The following ETV3 variants were observed in gnomAD, a reference collection of about 807,000 sequenced individuals.
ETV3 encodes ETS translocation variant 3.
A neutral mutation model predicts 33.0 loss-of-function variants in ETV3; 8 were observed. The observed-to-expected ratio is 0.24, with a 90% confidence interval of 0.14 to 0.44. The LOEUF (loss-of-function observed/expected upper bound fraction) is 0.44. ETV3 is among the 20% of genes least tolerant of loss of function. The pLI is 1.00. For synonymous variants in ETV3, 222 were observed against 238.9 expected, an observed-to-expected ratio of 0.93 and a Z score of 0.65; for missense variants, 473 against 652.3, an observed-to-expected ratio of 0.73 and a Z score of 2.99.
chr1:157,130,754 C>A (rs775621999), intron 4 of ETV3, among the ~76,000 whole-genome samples: 19 of 152,120 alleles, frequency 1.2e-4, no homozygotes, highest in Non-Finnish European at 2.5e-4. Flanking sequence ...TAGAATAGTA[C>A]CAAGCATAGC....
intron 4 of ETV3, among the ~76,000 whole-genome samples, chr1:157,127,568 C>T (rs1388913711): frequency 7.5e-6 from 1 of 133,792 alleles, no homozygotes; most frequent in Non-Finnish European, 1.6e-5. Context: ...TTTTTTGAGA[C>T]AGGGTTTCAC....
At chr1:157,133,326 T>C in intron 4 of ETV3, 1 of 894,748 alleles carries the variant, frequency 1.1e-6, no homozygotes, top group Non-Finnish European at 1.3e-6. Context: ...CTATCTGTGG[T>C]TTGCGAATCT....
intron 4 of ETV3, 134 bp downstream of exon 4, chr1:157,133,978 T>C (rs201311526): frequency 1.0e-5 from 15 of 1,464,958 alleles, no homozygotes; most frequent in Admixed American, 5.3e-5. Flanking sequence ...AGTAAGAACA[T>C]TGAGGCAATC....
chr1:157,124,966 G>A lies in ETV3; in HGVS notation c.1414C>T (p.Pro472Ser). ...CAGCGCCGCTTCAACCGAAGCTTGG[G>A]GGGCATCAGTGCATCTTCTTTCTTC... ...PEKKEDALMP[P>S]KLRLKRRWND... The change falls in exon 5 of 5, where the codon CCC (proline) becomes TCC (serine). Residue 472 changes from proline (P) to serine (S), a missense_variant. Physicochemically the swap from Pro to Ser is moderately conservative, Grantham distance 74. This residue lies in a region of ETV3 where 410 missense variants were observed against 520.2 expected (regional missense o/e 0.79). Coordinates refer to ENST00000368192, the MANE Select transcript of ETV3 (RefSeq NM_001145312.3). The A allele has an allele frequency of 1.3e-6, 2 of 1,551,822 alleles. No homozygotes were observed. Among genetic ancestry groups the A allele is most frequent in the Non-Finnish European group, 1.7e-6 (2 of 1,147,048 alleles).
intron 4 of ETV3, among the ~76,000 whole-genome samples, chr1:157,127,521 A>G (rs1412276260): frequency 1.3e-5 from 2 of 151,244 alleles, no homozygotes; most frequent in African/African-American, 4.9e-5. Context: ...GTGATAACAT[A>G]CACTGTGCTA....
In ETV3 at chr1:157,121,453, A is replaced by C. The variant is rs1309788847; in HGVS notation, c.*3388T>G. 6.6e-6 allele frequency: 1 copy of C among 152,200 alleles called. No homozygotes were observed. The highest frequency in any genetic ancestry group is 1.5e-5 in the Non-Finnish European group (1 of 68,040). The allele number at this position is 152,200 out of a possible 1,614,324, so 9.4% of individuals were successfully genotyped here. Reference sequence around the variant, plus strand: ...ACATATACACACTTTACTCTGCTCAAGCAGGTAACTAGTGAAGTCACCTTT... The same window carrying C: ...ACATATACACACTTTACTCTGCTCACGCAGGTAACTAGTGAAGTCACCTTT... On this transcript the variant is annotated 3_prime_UTR_variant, in exon 5 of 5. Transcript: ENST00000368192.
chr1:157,138,076 G>C (rs558700218), intron 1 of ETV3, among the ~76,000 whole-genome samples: 1 of 152,160 alleles, frequency 6.6e-6, no homozygotes, highest in Non-Finnish European at 1.5e-5. Flanking sequence ...CTCCCGGGCC[G>C]GGCTTCCCTT....
intron 3 of ETV3, 76 bp downstream of exon 3, chr1:157,135,394 CT>C: frequency 6.5e-7 from 1 of 1,535,748 alleles, no homozygotes; most frequent in Admixed American, 1.8e-5. Flanking sequence ...ACCTGATACC[CT>C]TTTTATCTAG....
rs1453852884 is a variant in ETV3, at chr1:157,123,405, A to T, written c.*1436T>A. 1 of 152,274 alleles carries T rather than the reference A, an allele frequency of 6.6e-6. No individual in the cohort carries two copies. The highest frequency in any genetic ancestry group is 1.5e-5 in the Non-Finnish European group (1 of 68,066). 9.4% of individuals were successfully genotyped at this position (152,274 alleles called of 1,614,324 possible). On this transcript the variant is annotated 3_prime_UTR_variant, in exon 5 of 5. Transcript: ENST00000368192. ...GAAGAAACAATTCCTCACTGCCTATAAACTGTAGTCTCATGTGGGATAGTC... is the reference window on the plus strand; with the variant it reads ...GAAGAAACAATTCCTCACTGCCTATTAACTGTAGTCTCATGTGGGATAGTC...
intron 4 of ETV3, chr1:157,133,758 T>C: frequency 3.9e-6 from 4 of 1,026,868 alleles, no homozygotes; most frequent in Non-Finnish European, 4.7e-6. Flanking sequence ...GGTTCCCATC[T>C]ATGAAAGAAC....
Position 157,125,234 on chromosome 1 carries a change from C to T in ETV3, c.1146G>A (p.Val382=), listed in dbSNP as rs747286148. 1.2e-5 allele frequency: 19 copies of T among 1,552,100 alleles called. No individual in the cohort carries two copies. The South Asian group carries it at 2.0e-4, about 17-fold the overall frequency. Residue 382 remains valine, a synonymous_variant, in exon 5 of 5, where the codon GTG becomes GTA. Coordinates refer to ENST00000368192, the MANE Select transcript of ETV3 (RefSeq NM_001145312.3). This position sits in a 1 kb window ranked among gnomAD's most constrained non-coding sequence, Gnocchi z 4.0. ...TMASIPPRIK[V]EPASEKDPES... Reference sequence around the variant, plus strand: ...CAGGATCCTTTTCAGAGGCAGGTTCCACCTTGATTCTTGGGGGAATAGAAG... The same window carrying T: ...CAGGATCCTTTTCAGAGGCAGGTTCTACCTTGATTCTTGGGGGAATAGAAG...
At chr1:157,133,522 A>C (rs1675022518) in intron 4 of ETV3, 2 of 985,950 alleles carry the variant, frequency 2.0e-6, no homozygotes. Flanking sequence ...TATAACCAGG[A>C]AAGTCAAGAG....
Position 157,135,502 on chromosome 1 carries a change from T to C in ETV3, c.253A>G (p.Met85Val). 1 of 1,614,060 alleles carries C rather than the reference T, an allele frequency of 6.2e-7. No homozygotes were observed. Among genetic ancestry groups the C allele is most frequent in the Non-Finnish European group, 8.5e-7 (1 of 1,179,934 alleles). The stretch of plus-strand genomic sequence containing the variant: ...GCCCGGCTCAGCTTGTCATAATTCA[T>C]CTGTGGTTTGCATTTCCTGCGGCCC... ...LWGRRKCKPQ[M>V]NYDKLSRALR... Residue 85 changes from methionine (M) to valine (V), a missense_variant, in exon 3 of 5, where the codon ATG (methionine) becomes GTG (valine). Met to Val is a conservative substitution (Grantham distance 21). Coordinates refer to ENST00000368192, the MANE Select transcript of ETV3 (RefSeq NM_001145312.3).
intron 3 of ETV3, chr1:157,135,015 A>G (rs1288926052): frequency 5.5e-6 from 1 of 182,964 alleles, no homozygotes; most frequent in East Asian, 1.5e-4. Context: ...CTGAGCTCAC[A>G]GACACAGTTC....
chr1:157,134,867 T>A (rs1487696335), intron 3 of ETV3, among the ~76,000 whole-genome samples: 2 of 152,176 alleles, frequency 1.3e-5, no homozygotes. Flanking sequence ...ATCTATGCAG[T>A]AGCAGAGGTC....
In ETV3 at chr1:157,125,700, G is replaced by A; in HGVS notation, c.680C>T (p.Pro227Leu). The change falls in exon 5 of 5, where the codon CCT becomes CTT. Residue 227 changes from proline (P) to leucine (L), a missense_variant. Physicochemically the swap from Pro to Leu is moderately conservative, Grantham distance 98 (BLOSUM62 -3). This residue lies in a region of ETV3 where 410 missense variants were observed against 520.2 expected (regional missense o/e 0.79). Transcript: ENST00000368192. This position sits in a 1 kb window ranked among gnomAD's most constrained non-coding sequence, Gnocchi z 4.0. Reference protein sequence around the residue: ...GGGIGHQKRKPDIMLPLFARP... With the variant: ...GGGIGHQKRKLDIMLPLFARP... ...AGCAAACAGAGGAAGCATTATGTCA[G>A]GCTTGCGTTTCTGATGGCCAATCCC... The A allele has an allele frequency of 6.4e-7, 1 of 1,551,694 alleles. No homozygotes were observed. Among genetic ancestry groups the A allele is most frequent in the Non-Finnish European group, 8.7e-7 (1 of 1,147,008 alleles).
intron 4 of ETV3, among the ~76,000 whole-genome samples, chr1:157,132,673 G>A (rs1034246673): frequency 6.6e-6 from 1 of 151,984 alleles, no homozygotes; most frequent in Non-Finnish European, 1.5e-5. Context: ...GTACAGGTCT[G>A]ATTTCCTAAC....
rs558581953 is a variant in ETV3, at chr1:157,123,074, C to T, written c.*1767G>A. ...AACACCCCCCACCATTAAAAGACAA[C>T]CTTCAAATGTTACTCAGTATATAAA... is the stretch of plus-strand genomic sequence containing the variant. On this transcript the variant is annotated 3_prime_UTR_variant, in exon 5 of 5. Coordinates refer to ENST00000368192, the MANE Select transcript of ETV3 (RefSeq NM_001145312.3). The T allele has an allele frequency of 3.3e-5, 5 of 152,344 alleles. No individual in the cohort carries two copies. The highest frequency in any genetic ancestry group is 1.2e-4 in the African/African-American group (5 of 41,566). 9.4% of individuals were successfully genotyped at this position (152,344 alleles called of 1,614,324 possible).
At chr1:157,130,416 A>G (rs1382049446) in intron 4 of ETV3, among the ~76,000 whole-genome samples, 1 of 152,254 alleles carries the variant, frequency 6.6e-6, no homozygotes, top group Non-Finnish European at 1.5e-5. Context: ...GCTAAAAAAG[A>G]AAGTTTGAAT....
Sources: allele counts gnomAD v4.1 joint callset (sites outside exome capture counted in the v4.1 genomes callset), GRCh38; gene constraint gnomAD v4.1.1; regional missense constraint gnomAD v4.1.1; non-coding constraint Gnocchi (gnomAD v3.1); transcripts MANE v1.5; gene names NCBI Gene and HGNC (gene_info 2026-07-23, HGNC 2026-07-21).